Variants in SLC35F1 observed in about 807,000 individuals in gnomAD.
The protein encoded by SLC35F1 is solute carrier family 35 member F1, also known as chromosome 6 open reading frame 169.
SLC35F1 carries 14 observed loss-of-function variants against 48.7 expected under a neutral mutation model. The ratio of observed to expected loss-of-function variants is 0.29; its 90% CI spans 0.19 to 0.45. SLC35F1 has a LOEUF of 0.45. Among genes scored for constraint, SLC35F1 ranks in the 20% least tolerant of loss-of-function variants. The pLI is 1.00. For synonymous variants in SLC35F1, 190 were observed against 202.2 expected, an observed-to-expected ratio of 0.94 and a Z score of 0.51; for missense variants, 404 against 500.0, an observed-to-expected ratio of 0.81 and a Z score of 1.83.
At chr6:118,204,310 C>A (rs1211872185) in intron 2 of SLC35F1, among the ~76,000 whole-genome samples, 4 of 152,026 alleles carry the variant, frequency 2.6e-5, no homozygotes, top group Non-Finnish European at 5.9e-5. Context: ...ACGATGAAGA[C>A]GCAAAAGTGG....
At chr6:118,299,191 A>T (rs1429642706) in intron 7 of SLC35F1, among the ~76,000 whole-genome samples, 1 of 152,172 alleles carries the variant, frequency 6.6e-6, no homozygotes, top group Non-Finnish European at 1.5e-5. Context: ...AAAACAAACA[A>T]ACAATAAAAC....
intron 1 of SLC35F1, among the ~76,000 whole-genome samples, chr6:118,137,533 C>A (rs1773814858): frequency 6.6e-6 from 1 of 152,132 alleles, no homozygotes; most frequent in Non-Finnish European, 1.5e-5. Flanking sequence ...CATTCCCACC[C>A]ATTATTCTAG....
At chr6:117,916,653 CTATT>C (rs1205625919) in intron 1 of SLC35F1, among the ~76,000 whole-genome samples, 7 of 152,174 alleles carry the variant, frequency 4.6e-5, no homozygotes, top group African/African-American at 1.7e-4. Context: ...GGCAGGGAAA[CTATT>C]TAGGAGTACA....
At chr6:118,057,318 C>T (rs1436013161) in intron 1 of SLC35F1, among the ~76,000 whole-genome samples, 9 of 152,074 alleles carry the variant, frequency 5.9e-5, no homozygotes, top group Admixed American at 3.9e-4. Context: ...AAGTGCTGCA[C>T]GGGCAAGGGA....
intron 1 of SLC35F1, among the ~76,000 whole-genome samples, chr6:118,109,771 T>C (rs1773373950): frequency 6.6e-6 from 1 of 152,090 alleles, no homozygotes; most frequent in Non-Finnish European, 1.5e-5. Context: ...GGAGCTGGGC[T>C]CTCTAAGGCT....
At chr6:117,934,573 G>A (rs1337956234) in intron 1 of SLC35F1, among the ~76,000 whole-genome samples, 1 of 152,000 alleles carries the variant, frequency 6.6e-6, no homozygotes, top group Non-Finnish European at 1.5e-5. Flanking sequence ...AAGTTGCTTT[G>A]GCTAGAATTC....
chr6:117,956,002 G>A (rs1776422425), intron 1 of SLC35F1, among the ~76,000 whole-genome samples: 1 of 152,198 alleles, frequency 6.6e-6, no homozygotes, highest in Admixed American at 6.5e-5. Flanking sequence ...TCAATATCGT[G>A]CTGGCTTAAA....
At chr6:118,065,359 G>T (rs552462468) in intron 1 of SLC35F1, among the ~76,000 whole-genome samples, 2 of 152,220 alleles carry the variant, frequency 1.3e-5, no homozygotes, top group East Asian at 3.9e-4. Context: ...TCCTCCACTG[G>T]TTTTTGGTGG....
intron 7 of SLC35F1, among the ~76,000 whole-genome samples, chr6:118,297,653 A>AAAAT (rs1562354753): frequency 8.3e-6 from 1 of 120,610 alleles, no homozygotes; most frequent in African/African-American, 3.6e-5. Flanking sequence ...ATATATATAT[A>AAAAT]ATATATATAA....
intron 2 of SLC35F1, among the ~76,000 whole-genome samples, chr6:118,174,682 A>G (rs1582711898): frequency 6.6e-6 from 1 of 152,144 alleles, no homozygotes; most frequent in East Asian, 1.9e-4. Flanking sequence ...AAACACATCA[A>G]ACAGATCCAT....
At chr6:117,943,546 T>A (rs374359091) in intron 1 of SLC35F1, among the ~76,000 whole-genome samples, 9 of 152,240 alleles carry the variant, frequency 5.9e-5, no homozygotes. Context: ...AAAGTTCTTA[T>A]GGCTTTAAGA....
chr6:118,203,852 G>T (rs1269235191), intron 2 of SLC35F1, among the ~76,000 whole-genome samples: 1 of 152,128 alleles, frequency 6.6e-6, no homozygotes, highest in Admixed American at 6.6e-5. Flanking sequence ...TAACAAATAG[G>T]CTTTTGTGCA....
At chr6:118,196,531 C>T (rs7773547) in intron 2 of SLC35F1, among the ~76,000 whole-genome samples, 6 of 151,842 alleles carry the variant, frequency 4.0e-5, no homozygotes, top group African/African-American at 9.7e-5. Flanking sequence ...GCCTGGCCAA[C>T]GTGGTGAAAT....
chr6:118,011,217 A>G (rs1411737278), intron 1 of SLC35F1, among the ~76,000 whole-genome samples: 1 of 152,140 alleles, frequency 6.6e-6, no homozygotes, highest in African/African-American at 2.4e-5. Context: ...CCATTCTCAC[A>G]CTGCTATAAA....
intron 1 of SLC35F1, among the ~76,000 whole-genome samples, chr6:118,030,067 G>A (rs1365476666): frequency 6.6e-6 from 1 of 152,144 alleles, no homozygotes; most frequent in East Asian, 1.9e-4. Flanking sequence ...TCAATTGTAA[G>A]GCTGATCAGC....
chr6:118,153,476 C>T (rs1283256414), intron 1 of SLC35F1, among the ~76,000 whole-genome samples: 1 of 152,122 alleles, frequency 6.6e-6, no homozygotes, highest in Non-Finnish European at 1.5e-5. Context: ...AATACTACTG[C>T]TTGCTTCTAT....
intron 1 of SLC35F1, among the ~76,000 whole-genome samples, chr6:118,093,234 T>G (rs1019352063): frequency 6.6e-6 from 1 of 152,042 alleles, no homozygotes; most frequent in South Asian, 2.1e-4. Flanking sequence ...TAGAATGGCA[T>G]GAACCCAGCA....
intron 3 of SLC35F1, among the ~76,000 whole-genome samples, chr6:118,260,058 GTGATACA>G (rs1775693369): frequency 6.6e-6 from 1 of 152,128 alleles, no homozygotes; most frequent in Non-Finnish European, 1.5e-5. Flanking sequence ...GGAATGAGGT[GTGATACA>G]TGAACAACAT....
At chr6:117,965,905 A>T (rs1776556597) in intron 1 of SLC35F1, among the ~76,000 whole-genome samples, 1 of 152,136 alleles carries the variant, frequency 6.6e-6, no homozygotes, top group African/African-American at 2.4e-5. Flanking sequence ...GGGGACCTGG[A>T]GAACTTTTCT....
Sources: allele counts gnomAD v4.1 joint callset (sites outside exome capture counted in the v4.1 genomes callset), GRCh38; gene constraint gnomAD v4.1.1; transcripts MANE v1.5; gene names NCBI Gene and HGNC (gene_info 2026-07-23, HGNC 2026-07-21).